The following SLC12A6 variants were observed in gnomAD, a reference collection of about 807,000 sequenced individuals.
The protein encoded by SLC12A6 is solute carrier family 12 member 6, also known as K-Cl cotransporter 3.
SLC12A6 carries 66 observed loss-of-function variants against 135.3 expected under a neutral mutation model. The observed-to-expected ratio is 0.49, with a 90% CI of 0.40 to 0.60. The LOEUF (loss-of-function observed/expected upper bound fraction) is 0.60, where lower values mean the gene tolerates loss of function less well. SLC12A6 is among the 20% of genes least tolerant of loss of function. The pLI, the probability that SLC12A6 is intolerant of heterozygous loss-of-function variation, is 0.00. For synonymous variants in SLC12A6, 513 were observed against 508.8 expected (o/e 1.01, Z -0.11); for missense variants, 1,058 against 1,452.3 (o/e 0.73, Z 4.41).
intron 2 of SLC12A6, among the ~76,000 whole-genome samples, chr15:34,327,760 C>T (rs1332901780): frequency 6.6e-6 from 1 of 151,938 alleles, no homozygotes; most frequent in Non-Finnish European, 1.5e-5. Flanking sequence ...AAAGTGAAAA[C>T]GTGGATGTGT....
intron 2 of SLC12A6, among the ~76,000 whole-genome samples, chr15:34,322,794 A>G (rs1437123579): frequency 3.3e-5 from 5 of 151,852 alleles, no homozygotes; most frequent in Non-Finnish European, 5.9e-5. Context: ...CCCAGCCAAC[A>G]TTGTGAAACC....
chr15:34,321,867 T>C (rs1595570819), intron 2 of SLC12A6, among the ~76,000 whole-genome samples: 1 of 152,128 alleles, frequency 6.6e-6, no homozygotes, highest in Non-Finnish European at 1.5e-5. Flanking sequence ...AACAGAAGAG[T>C]ACATAATATG....
Position 34,250,577 on chromosome 15 carries a change from T to C in SLC12A6, c.1591+54A>G, listed in dbSNP as rs560318881. 5.3e-4 allele frequency: 521 copies of C among 978,274 alleles called. 13 individuals carry two copies. The South Asian group carries it at 6.5e-3, about 12-fold the overall frequency. 60.6% of individuals were successfully genotyped at this position (978,274 alleles called of 1,614,324 possible). On this transcript the variant is annotated intron_variant, in intron 12 of 25. Coordinates refer to ENST00000354181, the MANE Select transcript of SLC12A6 (RefSeq NM_001365088.1). ...CAGGATAAAAATACTGATCATCTAG[T>C]TCTACTGGATGCTCCTATGACTAAG...
chr15:34,291,354 G>A lies in SLC12A6; in HGVS notation c.272-15965C>T, dbSNP rs138176724. Among the ~76,000 whole-genome samples the A allele has an allele frequency of 7.4e-4, 112 of 152,340 alleles. No homozygotes were observed. In the East Asian group the frequency reaches 0.016, roughly 22 times the overall value. Reference sequence around the variant, plus strand: ...TAGGGTTTCTGCTGAGAGATGCACTGTTAGTCTGATGGGTTTCCTTTTGTG... The same window carrying A: ...TAGGGTTTCTGCTGAGAGATGCACTATTAGTCTGATGGGTTTCCTTTTGTG... On this transcript the variant is annotated intron_variant, in intron 2 of 25. Coordinates refer to ENST00000354181, the MANE Select transcript of SLC12A6 (RefSeq NM_001365088.1).
At chr15:34,256,755 T>C (rs2615359) in intron 6 of SLC12A6, among the ~76,000 whole-genome samples, 136,079 of 152,200 alleles carry the variant, frequency 0.89, 62,333 homozygotes, top group East Asian at 1. Context: ...GCGCTGCAGA[T>C]AGGAGTAGCT....
At chr15:34,318,363 T>TG (rs968275081) in intron 2 of SLC12A6, among the ~76,000 whole-genome samples, 3 of 152,340 alleles carry the variant, frequency 2.0e-5, no homozygotes, top group Non-Finnish European at 4.4e-5. Flanking sequence ...GAACTCATTG[T>TG]GGGGAAAAAC....
intron 2 of SLC12A6, among the ~76,000 whole-genome samples, chr15:34,294,495 T>C (rs1895749921): frequency 6.6e-6 from 1 of 152,204 alleles, no homozygotes; most frequent in African/African-American, 2.4e-5. Flanking sequence ...GACCGCGTGA[T>C]TCACCCACCT....
rs74978467 is a variant in SLC12A6 at position 34,320,081 on chromosome 15, T to C, written c.271+16329A>G. Among the ~76,000 whole-genome samples the C allele has an allele frequency of 5.6e-3, 860 of 152,316 alleles. 7 individuals carry two copies. Among genetic ancestry groups the C allele is most frequent in the African/African-American group, 0.019 (803 of 41,562 alleles). ...AATTGAGCCCTGTGTAATGTCCATA[T>C]TGATGATGTAGTATAAGGCCTCTGT... On this transcript the variant is annotated intron_variant, in intron 2 of 25. Transcript: ENST00000354181.
At chr15:34,277,047 T>C (rs761874612) in intron 2 of SLC12A6, among the ~76,000 whole-genome samples, 1 of 152,212 alleles carries the variant, frequency 6.6e-6, no homozygotes. Context: ...AAAGGAAAAT[T>C]TGAAATGTTC....
At chr15:34,305,225 C>A (rs1484558408) in intron 2 of SLC12A6, among the ~76,000 whole-genome samples, 3 of 152,116 alleles carry the variant, frequency 2.0e-5, no homozygotes, top group African/African-American at 7.2e-5. Context: ...CATCACTGAT[C>A]TCCCCCAGAA....
chr15:34,258,449 A>C (rs1419475764), intron 5 of SLC12A6, among the ~76,000 whole-genome samples: 1 of 152,170 alleles, frequency 6.6e-6, no homozygotes, highest in Non-Finnish European at 1.5e-5. Context: ...ATCTCTCCTC[A>C]AATATCACCT....
intron 4 of SLC12A6, 62 bp downstream of exon 4, chr15:34,260,864 T>C: frequency 1.3e-6 from 1 of 796,918 alleles, no homozygotes; most frequent in Non-Finnish European, 2.3e-6. Context: ...TGGGGTAAAA[T>C]ATGGCTATCA....
chr15:34,263,029 T>C (rs949272018), intron 3 of SLC12A6, among the ~76,000 whole-genome samples: 3 of 152,142 alleles, frequency 2.0e-5, no homozygotes, highest in African/African-American at 4.8e-5. Context: ...TGCTTCCTAC[T>C]TGGGTGAAAG....
At chr15:34,299,152 C>T (rs1896075518) in intron 2 of SLC12A6, among the ~76,000 whole-genome samples, 1 of 152,094 alleles carries the variant, frequency 6.6e-6, no homozygotes, top group Admixed American at 6.5e-5. Flanking sequence ...ACTTTGAAAT[C>T]TCAGGCTGGG....
chr15:34,230,999 G>A lies in SLC12A6; in HGVS notation c.*2882C>T, dbSNP rs751924677. ...AAAAAAAATATTACTTTGGCCAGGG[G>A]TGTGTGTAAATGTGGCAGAATTCCT... On this transcript the variant is annotated 3_prime_UTR_variant, in exon 26 of 26. Transcript: ENST00000354181. 6.6e-6 allele frequency: 1 copy of A among 152,188 alleles called. No individual in the cohort carries two copies. Among genetic ancestry groups the A allele is most frequent in the African/African-American group, 2.4e-5 (1 of 41,432 alleles). The allele number at this position is 152,188 out of a possible 1,614,324, so 9.4% of individuals were successfully genotyped here.
At chr15:34,318,428 T>A in intron 2 of SLC12A6, 1 of 777,062 alleles carries the variant, frequency 1.3e-6, no homozygotes, top group Admixed American at 1.8e-5. Context: ...GGGAGTGAAA[T>A]AAGTAACTGA....
chr15:34,332,045 A>C (rs897650196), intron 2 of SLC12A6, among the ~76,000 whole-genome samples: 1 of 151,984 alleles, frequency 6.6e-6, no homozygotes, highest in Admixed American at 6.6e-5. Context: ...ATCTTTCTAC[A>C]CTTTTCACCA....
At chr15:34,247,285 A>G (rs533200557) in intron 13 of SLC12A6, among the ~76,000 whole-genome samples, 1 of 152,324 alleles carries the variant, frequency 6.6e-6, no homozygotes, top group South Asian at 2.1e-4. Flanking sequence ...TGGGAGGCCG[A>G]GGCGGGTGGA....
intron 2 of SLC12A6, among the ~76,000 whole-genome samples, chr15:34,312,974 T>C (rs1299406875): frequency 6.6e-6 from 1 of 152,242 alleles, no homozygotes; most frequent in Non-Finnish European, 1.5e-5. Flanking sequence ...ATGTTGTGTG[T>C]GTTCTGACCA....
Sources: allele counts gnomAD v4.1 joint callset (sites outside exome capture counted in the v4.1 genomes callset), GRCh38; gene constraint gnomAD v4.1.1; transcripts MANE v1.5; gene names NCBI Gene and HGNC (gene_info 2026-07-23, HGNC 2026-07-21).